FSTL5: variants seen among roughly 807,000 people sequenced by gnomAD.
FSTL5 encodes the protein follistatin like 5, also known as follistatin-related protein 5.
In FSTL5, 62 loss-of-function variants were observed where a neutral mutation model predicts 89.1. The ratio of observed to expected loss-of-function variants is 0.70; its 90% CI spans 0.57 to 0.86. The LOEUF is 0.86. FSTL5 is among the 40% of genes least tolerant of loss of function. The probability of loss-of-function intolerance (pLI) is 0.00; values close to 1 mark genes in which losing one functional copy is unlikely to be tolerated. For synonymous variants in FSTL5, 383 were observed against 346.2 expected (o/e 1.11, Z -1.18); for missense variants, 1,057 against 1,001.6 (o/e 1.06, Z -0.75).
chr4:162,026,304 C>CTTTTTTTTTCT (rs1553992345), intron 3 of FSTL5, among the ~76,000 whole-genome samples: 7 of 79,474 alleles, frequency 8.8e-5, no homozygotes, highest in Admixed American at 2.2e-4. Context: ...TATGTATTTT[C>CTTTTTTTTTCT]TTTTTTTTTT....
chr4:162,139,004 C>T (rs1023680325), intron 1 of FSTL5, among the ~76,000 whole-genome samples: 12 of 151,974 alleles, frequency 7.9e-5, no homozygotes, highest in Non-Finnish European at 1.3e-4. Context: ...TATCAATATT[C>T]CTCAAACTGA....
chr4:161,977,376 G>T (rs1057050867), intron 3 of FSTL5, among the ~76,000 whole-genome samples: 1 of 151,832 alleles, frequency 6.6e-6, no homozygotes, highest in African/African-American at 2.4e-5. Flanking sequence ...ACTTTGGGAG[G>T]CCGAGGCAGG....
At chr4:161,469,617 T>C (rs967526741) in intron 13 of FSTL5, among the ~76,000 whole-genome samples, 5 of 150,230 alleles carry the variant, frequency 3.3e-5, no homozygotes, top group African/African-American at 4.9e-5. Context: ...TCTATTGAAG[T>C]TCTTTGCCCA....
intron 4 of FSTL5, among the ~76,000 whole-genome samples, chr4:161,777,544 C>A (rs1741455286): frequency 6.6e-6 from 1 of 152,046 alleles, no homozygotes; most frequent in Non-Finnish European, 1.5e-5. Context: ...GCACTAAGAT[C>A]ATATTAGTAT....
intron 10 of FSTL5, among the ~76,000 whole-genome samples, chr4:161,523,581 G>A (rs891371532): frequency 1.3e-5 from 2 of 152,196 alleles, no homozygotes; most frequent in African/African-American, 4.8e-5. Flanking sequence ...GGTAAGCCAA[G>A]TAACACTATC....
chr4:161,542,316 T>G (rs966813111), intron 9 of FSTL5, among the ~76,000 whole-genome samples: 11 of 152,072 alleles, frequency 7.2e-5, no homozygotes, highest in Admixed American at 1.3e-4. Flanking sequence ...AATAATGACA[T>G]AATTAATCAT....
intron 6 of FSTL5, among the ~76,000 whole-genome samples, chr4:161,742,281 G>A (rs764980037): frequency 4.6e-5 from 7 of 152,168 alleles, no homozygotes; most frequent in Non-Finnish European, 8.8e-5. Context: ...TTGCTGCCCT[G>A]TAAAGGGACT....
chr4:161,707,337 T>C (rs1738617918), intron 6 of FSTL5, among the ~76,000 whole-genome samples: 2 of 151,876 alleles, frequency 1.3e-5, no homozygotes, highest in Non-Finnish European at 2.9e-5. Flanking sequence ...TGAGAAACTA[T>C]GTTGATGCAA....
chr4:161,548,689 T>C (rs975944187), intron 8 of FSTL5, among the ~76,000 whole-genome samples: 1 of 151,784 alleles, frequency 6.6e-6, no homozygotes, highest in Non-Finnish European at 1.5e-5. Flanking sequence ...ATTCAGTAAA[T>C]ATACATGTAT....
chr4:161,820,545 GT>G (rs1265937441), intron 4 of FSTL5, among the ~76,000 whole-genome samples: 1 of 152,110 alleles, frequency 6.6e-6, no homozygotes, highest in Admixed American at 6.5e-5. Flanking sequence ...ATTTGTCAAT[GT>G]TTCTTATAGT....
chr4:161,714,734 C>A (rs1738917121), intron 6 of FSTL5, among the ~76,000 whole-genome samples: 1 of 152,076 alleles, frequency 6.6e-6, no homozygotes, highest in Non-Finnish European at 1.5e-5. Context: ...ACATACAAGC[C>A]ATTGTTTTTG....
At chr4:161,790,855 C>A (rs1312971218) in intron 4 of FSTL5, among the ~76,000 whole-genome samples, 1 of 152,068 alleles carries the variant, frequency 6.6e-6, no homozygotes, top group Non-Finnish European at 1.5e-5. Flanking sequence ...TACTAACATT[C>A]TAAAGAAAGG....
intron 4 of FSTL5, among the ~76,000 whole-genome samples, chr4:161,918,632 T>C (rs1310527696): frequency 6.6e-6 from 1 of 151,886 alleles, no homozygotes; most frequent in Non-Finnish European, 1.5e-5. Context: ...TTTCCCACGA[T>C]ATTTATTTAT....
chr4:161,817,794 A>G (rs1730372422), intron 4 of FSTL5, among the ~76,000 whole-genome samples: 1 of 152,256 alleles, frequency 6.6e-6, no homozygotes, highest in Non-Finnish European at 1.5e-5. Flanking sequence ...TAGTTATTGC[A>G]ATTCTCTCAA....
intron 15 of FSTL5, among the ~76,000 whole-genome samples, chr4:161,450,990 C>T (rs112356440): frequency 2.0e-5 from 3 of 151,912 alleles, no homozygotes; most frequent in Admixed American, 6.6e-5. Flanking sequence ...GTGATCTGCC[C>T]GCCTCGGCCT....
chr4:162,095,304 A>C (rs1408573238), intron 2 of FSTL5, among the ~76,000 whole-genome samples: 1 of 152,102 alleles, frequency 6.6e-6, no homozygotes, highest in African/African-American at 2.4e-5. Flanking sequence ...GGTGTTCAAA[A>C]ATTTCTATAG....
At chr4:162,021,542 C>T (rs1737085632) in intron 3 of FSTL5, among the ~76,000 whole-genome samples, 1 of 152,028 alleles carries the variant, frequency 6.6e-6, no homozygotes, top group Non-Finnish European at 1.5e-5. Flanking sequence ...TTATAACACA[C>T]ACAACAAAAA....
chr4:161,648,127 C>A (rs1007091695), intron 7 of FSTL5, among the ~76,000 whole-genome samples: 1 of 152,094 alleles, frequency 6.6e-6, no homozygotes, highest in Non-Finnish European at 1.5e-5. Context: ...ATGTGTGATC[C>A]GATTCTTCCG....
At chr4:161,702,115 A>G (rs1375990610) in intron 6 of FSTL5, among the ~76,000 whole-genome samples, 1 of 152,158 alleles carries the variant, frequency 6.6e-6, no homozygotes, top group African/African-American at 2.4e-5. Flanking sequence ...CTCCTACTTA[A>G]AACTATTAAG....
Sources: allele counts gnomAD v4.1 joint callset (sites outside exome capture counted in the v4.1 genomes callset), GRCh38; gene constraint gnomAD v4.1.1; transcripts MANE v1.5; gene names NCBI Gene and HGNC (gene_info 2026-07-23, HGNC 2026-07-21).